TTLL4: variants seen among roughly 807,000 people sequenced by gnomAD.
The protein encoded by TTLL4 is tubulin tyrosine ligase like 4.
A neutral mutation model predicts 122.7 loss-of-function variants in TTLL4; 85 were observed. That is an observed-to-expected ratio of 0.69 (90% CI 0.58 to 0.83). TTLL4 has a LOEUF of 0.83. Among genes scored for constraint, TTLL4 ranks in the 40% least tolerant of loss-of-function variants. The pLI is 0.00. For missense variants in TTLL4, 1,363 were observed against 1,488.6 expected (o/e 0.92, Z 1.39); for synonymous variants, 553 against 563.0 (o/e 0.98, Z 0.25).
At chr2:218,732,511 A>T (rs187992401) in intron 2 of TTLL4, among the ~76,000 whole-genome samples, 4 of 152,290 alleles carry the variant, frequency 2.6e-5, no homozygotes, top group African/African-American at 9.6e-5. Context: ...AATGGGCTTG[A>T]TGACTTTGCT....
chr2:218,747,629 G>A lies in TTLL4; in HGVS notation c.2282G>A (p.Ser761Asn). 1 of 1,614,206 alleles carries A rather than the reference G, an allele frequency of 6.2e-7. No individual in the cohort carries two copies. ...YLHKPYLISG[S>N]KFDLRIYVYV... The stretch of plus-strand genomic sequence containing the variant: ...CACAAACCCTACCTCATCAGCGGCA[G>A]CAAGTTTGACCTGCGGATCTATGTT... The change falls in exon 11 of 20, where the codon AGC (serine) becomes AAC (asparagine). Residue 761 changes from serine to asparagine, a missense_variant. Physicochemically the swap from Ser to Asn is conservative, Grantham distance 46 (BLOSUM62 1). Around this residue, in one of 3 missense-constraint regions of TTLL4, gnomAD observed 596 missense variants for 655.8 expected, o/e 0.91. Coordinates refer to ENST00000392102, the MANE Select transcript of TTLL4 (RefSeq NM_014640.5). This position sits in a 1 kb window ranked among gnomAD's most constrained non-coding sequence, Gnocchi z 4.7.
At chr2:218,739,425 G>A (rs796706642) in intron 3 of TTLL4, among the ~76,000 whole-genome samples, 2 of 152,178 alleles carry the variant, frequency 1.3e-5, no homozygotes, top group African/African-American at 4.8e-5. Context: ...TTCTTGTTAC[G>A]ATGGTAGAGC....
Position 218,737,612 on chromosome 2 carries a change from C to A in TTLL4, c.-65C>A. 6.6e-7 allele frequency: 1 copy of A among 1,504,054 alleles called. No individual in the cohort carries two copies. The highest frequency in any genetic ancestry group is 8.9e-7 in the Non-Finnish European group (1 of 1,121,966). 93.2% of individuals were successfully genotyped at this position (1,504,054 alleles called of 1,614,324 possible). A position where few individuals can be genotyped will look rare whatever the true frequency, so the allele number is the denominator to read the frequency against. On this transcript the variant is annotated 5_prime_UTR_variant, in exon 3 of 20. Coordinates refer to ENST00000392102, the MANE Select transcript of TTLL4 (RefSeq NM_014640.5). Reference sequence around the variant, plus strand: ...ACTTCAAGGATGCAGCTGCTACTACCGGAGGTGTGTGGCACCTTACCTCAG... The same window carrying A: ...ACTTCAAGGATGCAGCTGCTACTACAGGAGGTGTGTGGCACCTTACCTCAG...
At chr2:218,743,913 G>C (rs563469978) in intron 5 of TTLL4, among the ~76,000 whole-genome samples, 1 of 152,192 alleles carries the variant, frequency 6.6e-6, no homozygotes, top group East Asian at 1.9e-4. Context: ...TCCCAACCTC[G>C]GGTGATCCGC....
chr2:218,727,406 C>T (rs1942226681), intron 2 of TTLL4, 59 bp downstream of exon 2: 1 of 152,034 alleles, frequency 6.6e-6, no homozygotes, highest in Admixed American at 6.6e-5. Flanking sequence ...TTAACAATCT[C>T]TTTGTTAAAT....
chr2:218,711,146 C>A (rs969076992), intron 1 of TTLL4, 109 bp downstream of exon 1: 1 of 152,366 alleles, frequency 6.6e-6, no homozygotes, highest in African/African-American at 2.4e-5. Flanking sequence ...AGCCCTCCGG[C>A]CACTCTCACC....
Position 218,738,378 on chromosome 2 carries a change from G to T in TTLL4, c.702G>T (p.Gln234His), listed in dbSNP as rs1295925362. 3 of 1,614,014 alleles carry T rather than the reference G, an allele frequency of 1.9e-6. No homozygotes were observed. The highest frequency in any genetic ancestry group is 2.5e-6 in the Non-Finnish European group (3 of 1,180,058). The change falls in exon 3 of 20, where the codon CAG (glutamine) becomes CAT (histidine). Residue 234 changes from glutamine to histidine, a missense_variant. Transcript: ENST00000392102. ...ATAGCACGCCAGTGCCTTTATTGCA[G>T]ACCACACAGGGCCTGAAGCCAGTAT... ...WPNSTPVPLL[Q>H]TTQGLKPVSP... is the part of the protein sequence containing the mutation.
chr2:218,715,351 T>G (rs1941826874), intron 1 of TTLL4, among the ~76,000 whole-genome samples: 1 of 152,182 alleles, frequency 6.6e-6, no homozygotes, highest in South Asian at 2.1e-4. Flanking sequence ...CTAGTTACAG[T>G]GTGGAATCTG....
Position 218,754,480 on chromosome 2 carries a change from AC to A in TTLL4, c.*95del. 6.7e-7 allele frequency: 1 copy of A among 1,494,814 alleles called. No homozygotes were observed. The allele number at this position is 1,494,814 out of a possible 1,614,324, so 92.6% of individuals were successfully genotyped here. A position where few individuals can be genotyped will look rare whatever the true frequency, so the allele number is the denominator to read the frequency against. The stretch of plus-strand genomic sequence containing the variant: ...GCTGTTCAGACCAGTCTGACCCCCT[AC>A]CCCTTTCACCCTGTCCCTCCTCAGA... On this transcript the variant is annotated 3_prime_UTR_variant, in exon 20 of 20. Transcript: ENST00000392102.
intron 1 of TTLL4, among the ~76,000 whole-genome samples, chr2:218,721,507 G>T (rs1265463425): frequency 6.6e-6 from 1 of 152,198 alleles, no homozygotes; most frequent in Non-Finnish European, 1.5e-5. Context: ...TAGGTAAATA[G>T]TGTCAGAATT....
intron 1 of TTLL4, among the ~76,000 whole-genome samples, chr2:218,712,875 C>T (rs1645521110): frequency 1.3e-5 from 2 of 152,264 alleles, no homozygotes; most frequent in South Asian, 4.1e-4. Context: ...ATTTAAGTTA[C>T]CTCCCAACCC....
Position 218,740,197 on chromosome 2 carries a change from A to G in TTLL4, c.1597+30A>G, listed in dbSNP as rs764851439. On this transcript the variant is annotated intron_variant, in intron 4 of 19. Transcript: ENST00000392102. ...GTAGGAAACCCTTTCACTTCCAACT[A>G]GGAGTTGGTTATGACCTGTTGGGCA... 7 of 1,599,310 alleles carry G rather than the reference A, an allele frequency of 4.4e-6. No homozygotes were observed. The Admixed American group carries it at 5.0e-5, about 11-fold the overall frequency.
chr2:218,730,798 T>C (rs988698742), intron 2 of TTLL4, among the ~76,000 whole-genome samples: 5 of 151,856 alleles, frequency 3.3e-5, no homozygotes, highest in Admixed American at 1.3e-4. Flanking sequence ...TTTAAAATAC[T>C]ATCTGTTACA....
intron 2 of TTLL4, among the ~76,000 whole-genome samples, 187 bp downstream of exon 2, chr2:218,727,534 G>A (rs546403104): frequency 7.2e-5 from 11 of 152,086 alleles, no homozygotes; most frequent in African/African-American, 1.4e-4. Flanking sequence ...TCAGGAGATC[G>A]AGATCATCCT....
Position 218,745,141 on chromosome 2 carries a change from C to G in TTLL4, c.1694C>G (p.Ser565Cys), listed in dbSNP as rs752772707. ...ATGGAAATTCTGACCAAACCCCTTT[C>G]CAATCATGAGAAAGTTGTCCGACCA... ...SCMEILTKPL[S>C]NHEKVVRPAL... Residue 565 changes from serine (S) to cysteine (C), a missense_variant, in exon 6 of 20, where the codon TCC (serine) becomes TGC (cysteine). Ser to Cys is a moderately radical substitution (Grantham distance 112, BLOSUM62 -1). Transcript: ENST00000392102. The G allele has an allele frequency of 7.4e-6, 12 of 1,613,948 alleles. No homozygotes were observed. The African/African-American group carries it at 1.6e-4, about 22-fold the overall frequency.
At chr2:218,734,299 C>T (rs1390916722) in intron 2 of TTLL4, among the ~76,000 whole-genome samples, 5 of 152,128 alleles carry the variant, frequency 3.3e-5, no homozygotes, top group Non-Finnish European at 7.3e-5. Context: ...AACTAGTATT[C>T]AAGTTTGTTT....
At chr2:218,746,302 T>G in intron 8 of TTLL4, 71 bp downstream of exon 8, 3 of 1,457,716 alleles carry the variant, frequency 2.1e-6, no homozygotes, top group Non-Finnish European at 1.9e-6. Context: ...ATGATGTGAG[T>G]AGGGGGTAGG....
intron 3 of TTLL4, among the ~76,000 whole-genome samples, chr2:218,739,528 A>G (rs768963196): frequency 3.1e-4 from 47 of 152,330 alleles, no homozygotes; most frequent in South Asian, 1.0e-3. Flanking sequence ...ATTTTAAGTA[A>G]AAACCAGGAG....
At chr2:218,711,579 C>G (rs191553693) in intron 1 of TTLL4, among the ~76,000 whole-genome samples, 4 of 152,234 alleles carry the variant, frequency 2.6e-5, no homozygotes, top group Admixed American at 6.5e-5. Context: ...TTTTAGTAAA[C>G]ATTGACAAAT....
Sources: gnomAD v4.1 joint callset for allele counts (sites outside exome capture counted in the v4.1 genomes callset) on GRCh38, gnomAD v4.1.1 for gene constraint, gnomAD v4.1.1 regional missense constraint, Gnocchi (gnomAD v3.1) non-coding constraint, MANE v1.5 for transcripts, NCBI Gene and HGNC (gene_info 2026-07-23, HGNC 2026-07-21) for gene names.